Variants in ABCA1 observed in about 807,000 individuals in gnomAD.
The protein encoded by ABCA1 is ATP binding cassette subfamily A member 1.
In ABCA1, 133 loss-of-function variants were observed where a neutral mutation model predicts 262.5. The observed-to-expected ratio is 0.51, with a 90% CI of 0.44 to 0.59. The LOEUF is 0.59. Among genes scored for constraint, ABCA1 ranks in the 20% least tolerant of loss-of-function variants. The pLI, the probability that ABCA1 is intolerant of heterozygous loss-of-function variation, is 0.00. For missense variants in ABCA1, 2,452 were observed against 2,777.5 expected (o/e 0.88, Z 2.63); for synonymous variants, 1,022 against 1,043.5 (o/e 0.98, Z 0.40).
At position 104,818,743 on chromosome 9, in the gene ABCA1, GGTA is replaced by G; in HGVS notation, c.3379_3381del (p.Tyr1127del). ...TCCACATCTTTCTTGACCAAGGTCA[GGTA>G]GTAGCCTGTTCCCAGCTGGTTCTTC... On this transcript the variant is annotated inframe_deletion, in exon 23 of 50. Coordinates refer to ENST00000374736, the MANE Select transcript of ABCA1 (RefSeq NM_005502.4). 6.2e-7 allele frequency: 1 copy of G among 1,613,948 alleles called. No homozygotes were observed. Among genetic ancestry groups the G allele is most frequent in the Non-Finnish European group, 8.5e-7 (1 of 1,180,048 alleles).
Position 104,794,529 on chromosome 9 carries a change from A to AAAG in ABCA1, c.5383-20_5383-19insCTT. The AAAG allele has an allele frequency of 6.3e-7, 1 of 1,597,050 alleles. No individual in the cohort carries two copies. The highest frequency in any genetic ancestry group is 8.5e-7 in the Non-Finnish European group (1 of 1,172,236). On this transcript the variant is annotated intron_variant, in intron 39 of 49. Coordinates refer to ENST00000374736, the MANE Select transcript of ABCA1 (RefSeq NM_005502.4). Reference sequence around the variant, plus strand: ...TCAGCTTCTAAAAAAAAAAAAAAAAAATGGGAGGGAAGGGAGGGTGAGGGA... The same window carrying AAAG: ...TCAGCTTCTAAAAAAAAAAAAAAAAAAAGATGGGAGGGAAGGGAGGGTGAGGGA...
chr9:104,800,532 A>G lies in ABCA1; in HGVS notation c.4751T>C (p.Leu1584Pro). 1 of 1,614,108 alleles carries G rather than the reference A, an allele frequency of 6.2e-7. No homozygotes were observed. The part of the protein sequence containing the change: ...LNSLGRFMTG[L>P]DTKNNVKVWF... ...TACCTTGACATTATTTTTGGTGTCCAGTCCTGTCATAAATCTTCCCAAGCT... is the reference window on the plus strand; with the variant it reads ...TACCTTGACATTATTTTTGGTGTCCGGTCCTGTCATAAATCTTCCCAAGCT... The change falls in exon 35 of 50, where the codon CTG becomes CCG. Residue 1584 changes from leucine to proline, a missense_variant. Coordinates refer to ENST00000374736, the MANE Select transcript of ABCA1 (RefSeq NM_005502.4).
rs370223805 is a variant in ABCA1 at position 104,837,516 on chromosome 9, C to T, written c.1106G>A (p.Arg369His). 25 of 1,613,894 alleles carry T rather than the reference C, an allele frequency of 1.5e-5. No individual in the cohort carries two copies. The highest frequency in any genetic ancestry group is 5.5e-5 in the South Asian group (5 of 91,084). The change falls in exon 10 of 50, where the codon CGC becomes CAC. Residue 369 changes from arginine (R) to histidine (H), a missense_variant. Around this residue, in one of 4 missense-constraint regions of ABCA1, gnomAD observed 1,032 missense variants for 1,089.7 expected, o/e 0.95. Coordinates refer to ENST00000374736, the MANE Select transcript of ABCA1 (RefSeq NM_005502.4). ...MKNLESSPLS[R>H]IIWKALKPLL... ...CGGCTTCAGAGCTTTCCAGATAATG[C>T]GGGAAAGAGGACTAGACTCCAAATT... is the stretch of plus-strand genomic sequence containing the variant.
intron 25 of ABCA1, 81 bp downstream of exon 25, chr9:104,816,062 C>T: frequency 1.4e-6 from 2 of 1,465,060 alleles, no homozygotes; most frequent in Non-Finnish European, 1.9e-6. Context: ...CATGATAATC[C>T]TGCTCCCAAT....
chr9:104,789,140 T>C (rs1426719798), intron 44 of ABCA1, among the ~76,000 whole-genome samples: 1 of 152,188 alleles, frequency 6.6e-6, no homozygotes, highest in African/African-American at 2.4e-5. Context: ...GAACTTGGCC[T>C]TCTGGCAGCA....
chr9:104,851,421 A>C (rs1835367122), intron 7 of ABCA1, among the ~76,000 whole-genome samples: 1 of 151,968 alleles, frequency 6.6e-6, no homozygotes. Context: ...CAAACTCCCC[A>C]CAGCTATATC....
chr9:104,903,713 G>C lies in ABCA1; in HGVS notation c.-34C>G, dbSNP rs372663042. The stretch of plus-strand genomic sequence containing the variant: ...AGCCAGCACCCCCAGCGTGTGGCTC[G>C]GGAGCCCTGGAAGGCAGCGGCCAGA... On this transcript the variant is annotated 5_prime_UTR_variant, in exon 2 of 50. Coordinates refer to ENST00000374736, the MANE Select transcript of ABCA1 (RefSeq NM_005502.4). 1 of 1,560,012 alleles carries C rather than the reference G, an allele frequency of 6.4e-7. No homozygotes were observed. Among genetic ancestry groups the C allele is most frequent in the Non-Finnish European group, 8.7e-7 (1 of 1,151,228 alleles).
intron 3 of ABCA1, among the ~76,000 whole-genome samples, chr9:104,888,060 T>G (rs547528969): frequency 2.1e-4 from 28 of 133,150 alleles, no homozygotes; most frequent in African/African-American, 6.7e-4. Flanking sequence ...TCTTGAGGGG[T>G]GTGTGTGTGT....
chr9:104,915,144 G>A (rs1487701560), intron 1 of ABCA1, among the ~76,000 whole-genome samples: 1 of 152,120 alleles, frequency 6.6e-6, no homozygotes, highest in Non-Finnish European at 1.5e-5. Flanking sequence ...CTTTACTTGC[G>A]CCAAACTGAG....
intron 1 of ABCA1, 160 bp downstream of exon 1, chr9:104,927,775 T>C (rs1191847750): frequency 6.6e-6 from 1 of 152,306 alleles, no homozygotes; most frequent in African/African-American, 2.4e-5. Context: ...TACTAGGACA[T>C]CGTCTCCCCA....
intron 2 of ABCA1, 150 bp from the exon 3 acceptor site, chr9:104,889,345 T>G: frequency 1.3e-6 from 2 of 1,527,028 alleles, no homozygotes; most frequent in Non-Finnish European, 1.8e-6. Context: ...TTAACAGAAC[T>G]GTTTGGAGTC....
chr9:104,844,638 G>A (rs535104277), intron 8 of ABCA1, among the ~76,000 whole-genome samples: 112 of 152,254 alleles, frequency 7.4e-4, no homozygotes, highest in African/African-American at 2.5e-3. Context: ...ACCAAAAAAA[G>A]AAAAACGGAT....
chr9:104,806,276 A>G lies in ABCA1; in HGVS notation c.4429T>C (p.Cys1477Arg), dbSNP rs137854494. 2.5e-6 allele frequency: 4 copies of G among 1,613,678 alleles called. No individual in the cohort carries two copies. Among genetic ancestry groups the G allele is most frequent in the Non-Finnish European group, 3.4e-6 (4 of 1,180,034 alleles). Residue 1477 changes from cysteine to arginine, a missense_variant, in exon 31 of 50, where the codon TGT (cysteine) becomes CGT (arginine). Physicochemically the swap from Cys to Arg is radical, Grantham distance 180 (BLOSUM62 -3). Transcript: ENST00000374736. ...GGCAGCCCCCCTGCCCCTGGGGGAC[A>G]CACAGGCAGCATCTTCTTGATTTTG... ...SDKIKKMLPV[C>R]PPGAGGLPPP...
At chr9:104,923,064 T>C (rs1012882995) in intron 1 of ABCA1, among the ~76,000 whole-genome samples, 1 of 152,196 alleles carries the variant, frequency 6.6e-6, no homozygotes, top group African/African-American at 2.4e-5. Context: ...AATACGTATA[T>C]CTTAAGAAAA....
At chr9:104,856,651 T>C (rs981569474) in intron 7 of ABCA1, among the ~76,000 whole-genome samples, 1 of 152,176 alleles carries the variant, frequency 6.6e-6, no homozygotes, top group African/African-American at 2.4e-5. Flanking sequence ...TGGAGGGATT[T>C]TACCGGGTTG....
Position 104,819,536 on chromosome 9 carries a change from C to T in ABCA1, c.3241+50G>A, listed in dbSNP as rs778654755. 7.6e-5 allele frequency: 123 copies of T among 1,611,272 alleles called. 2 individuals carry two copies. The highest frequency in any genetic ancestry group is 6.4e-4 in the South Asian group (58 of 90,876). ...AGATACAGCCACACTTCTCAAAAGC[C>T]CCCCGCTCTCTCTCAGTCCATTTAC... is the stretch of plus-strand genomic sequence containing the variant. On this transcript the variant is annotated intron_variant, in intron 22 of 49. Transcript: ENST00000374736.
At chr9:104,925,643 C>T (rs1231947911) in intron 1 of ABCA1, among the ~76,000 whole-genome samples, 1 of 152,056 alleles carries the variant, frequency 6.6e-6, no homozygotes, top group Non-Finnish European at 1.5e-5. Context: ...TGATTGTAAA[C>T]CAATGTTTTC....
In ABCA1 at chr9:104,825,890, G is replaced by T; in HGVS notation, c.2338-3C>A. 5.6e-6 allele frequency: 9 copies of T among 1,613,476 alleles called. No individual in the cohort carries two copies. The highest frequency in any genetic ancestry group is 7.6e-6 in the Non-Finnish European group (9 of 1,179,724). The stretch of plus-strand genomic sequence containing the variant: ...AAAGCCACAGGAGACAGCAGGCTCT[G>T]TGAGAAACAGGCAAAGTCACCTATC... On this transcript the variant is annotated splice_polypyrimidine_tract_variant and splice_region_variant and intron_variant, in intron 16 of 49. Coordinates refer to ENST00000374736, the MANE Select transcript of ABCA1 (RefSeq NM_005502.4).
chr9:104,862,049 T>TACACACACACACACAC (rs35010837), intron 5 of ABCA1, among the ~76,000 whole-genome samples: 3 of 145,034 alleles, frequency 2.1e-5, no homozygotes, highest in Non-Finnish European at 4.5e-5. Context: ...ATGGTGCTGT[T>TACACACACACACACAC]ACACACACAC....
Sources: allele counts gnomAD v4.1 joint callset (sites outside exome capture counted in the v4.1 genomes callset), GRCh38; gene constraint gnomAD v4.1.1; regional missense constraint gnomAD v4.1.1; transcripts MANE v1.5; gene names NCBI Gene and HGNC (gene_info 2026-07-23, HGNC 2026-07-21).